Variants in URB1 observed in about 807,000 individuals in gnomAD.
URB1 encodes the protein URB1 ribosome biogenesis factor.
In URB1, 197 loss-of-function variants were observed where a neutral mutation model predicts 242.3. The ratio of observed to expected loss-of-function variants is 0.81; its 90% CI spans 0.72 to 0.91. URB1 has a LOEUF of 0.91. Among genes scored for constraint, URB1 ranks in the 40% least tolerant of loss-of-function variants. The pLI is 0.00. For missense variants in URB1, 2,721 were observed against 2,860.5 expected (o/e 0.95, Z 1.11); for synonymous variants, 1,153 against 1,201.8 (o/e 0.96, Z 0.84).
At chr21:32,322,344 T>G (rs1454245865) in intron 33 of URB1, 134 bp downstream of exon 33, 1 of 789,400 alleles carries the variant, frequency 1.3e-6, no homozygotes, top group Non-Finnish European at 2.1e-6. Context: ...AGTGCAGGCC[T>G]GCGTGGCCAC....
In URB1 at chr21:32,314,571, T is replaced by C. The variant is rs1032680008; in HGVS notation, c.*347A>G. 2 of 1,614,202 alleles carry C rather than the reference T, an allele frequency of 1.2e-6. No homozygotes were observed. Among genetic ancestry groups the C allele is most frequent in the South Asian group, 1.1e-5 (1 of 91,082 alleles). On this transcript the variant is annotated 3_prime_UTR_variant, in exon 39 of 39. Transcript: ENST00000382751. Reference sequence around the variant, plus strand: ...TTCAGCTTTAACACAGATGAATCTCTTCTGCATTCAGAAGTGCTGCCTCAA... The same window carrying C: ...TTCAGCTTTAACACAGATGAATCTCCTCTGCATTCAGAAGTGCTGCCTCAA...
rs1383674189 is a variant in URB1, at chr21:32,347,196, G to GC, written c.3627dup (p.Leu1210AlafsTer8). The GC allele has an allele frequency of 1.5e-5, 23 of 1,549,992 alleles. No homozygotes were observed. The highest frequency in any genetic ancestry group is 1.3e-5 in the Non-Finnish European group (15 of 1,146,836). On this transcript the variant is annotated frameshift_variant, in exon 22 of 39. Transcript: ENST00000382751. LOFTEE classifies it high-confidence loss of function. ...AGATCAGCCCCGACTGCGGGGGCCAGCACAGGGTCTCTCTGCAGAGTGTGG... is the reference window on the plus strand; with the variant it reads ...AGATCAGCCCCGACTGCGGGGGCCAGCCACAGGGTCTCTCTGCAGAGTGTGG...
rs968698099 is a variant in URB1 at position 32,315,015 on chromosome 21, C to A, written c.6719G>T (p.Arg2240Leu). 1 of 1,551,554 alleles carries A rather than the reference C, an allele frequency of 6.4e-7. No homozygotes were observed. The highest frequency in any genetic ancestry group is 1.2e-5 in the South Asian group (1 of 84,068). ...ATCATCTGCGGCCTCACACACCATC[C>A]GGACGTGGGTTAAGAGGGTGTCCGG... ...QRPDTLLTHV[R>L]MVCEAADDAP... Residue 2240 changes from arginine (R) to leucine (L), a missense_variant, in exon 39 of 39, where the codon CGG becomes CTG. Coordinates refer to ENST00000382751, the MANE Select transcript of URB1 (RefSeq NM_014825.3).
chr21:32,354,773 G>A (rs1304815962), intron 17 of URB1, 86 bp downstream of exon 17: 6 of 1,486,344 alleles, frequency 4.0e-6, no homozygotes, highest in Non-Finnish European at 5.4e-6. Flanking sequence ...TAGGGCATTA[G>A]TGCAGTTCTT....
At chr21:32,353,343 G>A (rs1248032199) in intron 18 of URB1, among the ~76,000 whole-genome samples, 1 of 152,140 alleles carries the variant, frequency 6.6e-6, no homozygotes, top group African/African-American at 2.4e-5. Context: ...GATCTTGGAA[G>A]CCATAAATTG....
At chr21:32,333,608 G>A (rs2833771) in intron 29 of URB1, among the ~76,000 whole-genome samples, 189 bp from the exon 30 acceptor site, 128,924 of 152,246 alleles carry the variant, frequency 0.85, 54,967 homozygotes, top group Admixed American at 0.9. Context: ...TCATATGCAC[G>A]TAATATACAT....
chr21:32,386,692 A>G (rs2033587132), intron 1 of URB1, among the ~76,000 whole-genome samples: 1 of 152,208 alleles, frequency 6.6e-6, no homozygotes, highest in Non-Finnish European at 1.5e-5. Context: ...GAAAAACCAT[A>G]TAGAGCATGG....
At chr21:32,383,347 A>C in intron 4 of URB1, 75 bp downstream of exon 4, 1 of 1,463,086 alleles carries the variant, frequency 6.8e-7, no homozygotes, top group Non-Finnish European at 9.1e-7. Flanking sequence ...AGGGGCAGAG[A>C]ATGGAGGAAA....
At position 32,317,753 on chromosome 21, in the gene URB1, C is replaced by T. The variant is rs145519835; in HGVS notation, c.5957G>A (p.Ser1986Asn). The T allele has an allele frequency of 2.4e-5, 38 of 1,551,902 alleles. No individual in the cohort carries two copies. The East Asian group carries it at 8.8e-4, about 36-fold the overall frequency. Residue 1986 changes from serine (S) to asparagine (N), a missense_variant, in exon 37 of 39, where the codon AGC becomes AAC. Ser to Asn is a conservative substitution (Grantham distance 46, BLOSUM62 1). Coordinates refer to ENST00000382751, the MANE Select transcript of URB1 (RefSeq NM_014825.3). ...GAGCTTGAGGTCTCTTTCAATGAGGCTCCACTTGTGCAAGAGGACAAGGAC... is the reference window on the plus strand; with the variant it reads ...GAGCTTGAGGTCTCTTTCAATGAGGTTCCACTTGTGCAAGAGGACAAGGAC... ...KDVLVLLHKW[S>N]LIERDLKLQE...
In URB1 at chr21:32,372,389, G is replaced by A. The variant is rs2033415735; in HGVS notation, c.1001+118C>T. ...CTACAACTGTTCAACCCTGAAACGA[G>A]TTAGATAATGTCCACAATTCTAGTT... On this transcript the variant is annotated intron_variant, in intron 8 of 38. Transcript: ENST00000382751. 10 of 1,337,484 alleles carry A rather than the reference G, an allele frequency of 7.5e-6. 1 individual carries two copies. In the South Asian group the frequency reaches 1.3e-4, roughly 17 times the overall value. The allele number at this position is 1,337,484 out of a possible 1,614,324, so 82.9% of individuals were successfully genotyped here. A position where few individuals can be genotyped will look rare whatever the true frequency, so the allele number is the denominator to read the frequency against.
chr21:32,351,013 C>T (rs973164914), intron 19 of URB1, 91 bp from the exon 20 acceptor site: 3 of 1,307,426 alleles, frequency 2.3e-6, no homozygotes, highest in African/African-American at 2.9e-5. Context: ...AACAAACGGA[C>T]ATTTCACAAA....
chr21:32,313,366 T>A lies in URB1; in HGVS notation c.*1552A>T, dbSNP rs557654953. ...AGGCCTTGGAGAGGTGGATAAAGAT[T>A]AAGGGGAACCAGGAAGAGAACGCTT... is the stretch of plus-strand genomic sequence containing the variant. On this transcript the variant is annotated 3_prime_UTR_variant, in exon 39 of 39. Transcript: ENST00000382751. The A allele has an allele frequency of 6.6e-6, 1 of 152,332 alleles. No individual in the cohort carries two copies. The highest frequency in any genetic ancestry group is 1.5e-5 in the Non-Finnish European group (1 of 68,042). The allele number at this position is 152,332 out of a possible 1,614,324, so 9.4% of individuals were successfully genotyped here.
rs979289151 is a variant in URB1 at position 32,392,991 on chromosome 21, G to A, written c.-81C>T. ...GCACTGGCACAGACAGCAGACACGC[G>A]CTTCAGGCCCACATGGCGCAGGAAG... On this transcript the variant is annotated 5_prime_UTR_variant, in exon 1 of 39. Transcript: ENST00000382751. The A allele has an allele frequency of 2.4e-5, 33 of 1,397,916 alleles. No homozygotes were observed. The Admixed American group carries it at 5.6e-4, about 24-fold the overall frequency. The allele number at this position is 1,397,916 out of a possible 1,614,324, so 86.6% of individuals were successfully genotyped here.
In URB1 at chr21:32,353,958, C is replaced by T; in HGVS notation, c.2391G>A (p.Leu797=). ...VPAALEARNK[L]LLGTGNEAAE... is the part of the protein sequence containing the mutation. ...CTGCTTCATTGCCTGTCCCAAGGAG[C>T]AACTTATTCCTGGCTTCCAGGGCCG... Residue 797 remains leucine (L), a synonymous_variant, in exon 18 of 39, where the codon TTG becomes TTA. Coordinates refer to ENST00000382751, the MANE Select transcript of URB1 (RefSeq NM_014825.3). 6.4e-7 allele frequency: 1 copy of T among 1,551,754 alleles called. No individual in the cohort carries two copies. Among genetic ancestry groups the T allele is most frequent in the Admixed American group, 2.0e-5 (1 of 51,006 alleles).
intron 19 of URB1, among the ~76,000 whole-genome samples, chr21:32,351,817 T>C (rs377648516): frequency 2.8e-4 from 43 of 152,240 alleles, no homozygotes; most frequent in Middle Eastern, 6.8e-3. Context: ...GGCCTACGTG[T>C]GGGGGAAGGT....
Position 32,345,838 on chromosome 21 carries a change from C to T in URB1, c.3869-263G>A, listed in dbSNP as rs143880831. On this transcript the variant is annotated intron_variant, in intron 22 of 38. Coordinates refer to ENST00000382751, the MANE Select transcript of URB1 (RefSeq NM_014825.3). Reference sequence around the variant, plus strand: ...ACACAGGGGGCCCTGGCTATAGACGCTATTTCTAAGCTCATGATGAGACCA... The same window carrying T: ...ACACAGGGGGCCCTGGCTATAGACGTTATTTCTAAGCTCATGATGAGACCA... 6.1e-3 allele frequency among the ~76,000 whole-genome samples: 924 copies of T among 152,254 alleles called. 9 individuals carry two copies. Among genetic ancestry groups the T allele is most frequent in the African/African-American group, 0.022 (897 of 41,548 alleles).
chr21:32,353,014 G>T, intron 18 of URB1, 108 bp from the exon 19 acceptor site: 2 of 1,165,840 alleles, frequency 1.7e-6, no homozygotes, highest in Non-Finnish European at 2.4e-6. Context: ...AAAAATTCAT[G>T]CAACTCCATG....
intron 1 of URB1, among the ~76,000 whole-genome samples, chr21:32,388,441 TC>T (rs2033605654): frequency 6.6e-6 from 1 of 152,178 alleles, no homozygotes; most frequent in South Asian, 2.1e-4. Flanking sequence ...TGTTTTCAGA[TC>T]CCCTTTTATG....
At position 32,334,299 on chromosome 21, in the gene URB1, T is replaced by C; in HGVS notation, c.4721A>G (p.His1574Arg). The C allele has an allele frequency of 6.4e-7, 1 of 1,551,264 alleles. No individual in the cohort carries two copies. Among genetic ancestry groups the C allele is most frequent in the Admixed American group, 2.0e-5 (1 of 50,986 alleles). Residue 1574 changes from histidine (H) to arginine (R), a missense_variant, in exon 29 of 39, where the codon CAC becomes CGC. Physicochemically the swap from His to Arg is conservative, Grantham distance 29. Coordinates refer to ENST00000382751, the MANE Select transcript of URB1 (RefSeq NM_014825.3). ...CCTGCCCAGGCTCCGGCACGTCTTG[T>C]GATGCTCCACGGCCGCTGGGCCCCA... ...LLWGPAAVEH[H>R]KTCRSLGRSL...
Sources: allele counts gnomAD v4.1 joint callset (sites outside exome capture counted in the v4.1 genomes callset), GRCh38; gene constraint gnomAD v4.1.1; transcripts MANE v1.5; gene names NCBI Gene and HGNC (gene_info 2026-07-23, HGNC 2026-07-21).